The following COL11A1 variants were observed in gnomAD, a reference collection of about 807,000 sequenced individuals.
The protein encoded by COL11A1 is collagen alpha-1(XI) chain.
In COL11A1, 74 loss-of-function variants were observed where a neutral mutation model predicts 265.2. The observed-to-expected ratio is 0.28, with a 90% CI of 0.23 to 0.34. COL11A1 has a LOEUF of 0.34. Ranked by LOEUF, COL11A1 falls within the 10% of genes least tolerant of loss-of-function variation. COL11A1 has a pLI of 1.00. For missense variants in COL11A1, 2,165 were observed against 2,263.6 expected (o/e 0.96, Z 0.88); for synonymous variants, 816 against 727.6 (o/e 1.12, Z -1.96).
chr1:102,878,526 T>G (rs1434815030), intron 66 of COL11A1, among the ~76,000 whole-genome samples: 2 of 138,754 alleles, frequency 1.4e-5, no homozygotes, highest in East Asian at 2.0e-4. Flanking sequence ...CTTTCTTTTT[T>G]TTTTTTTGAG....
chr1:103,026,365 G>T, intron 5 of COL11A1, 33 bp from the exon 6 acceptor site: 2 of 1,363,764 alleles, frequency 1.5e-6, no homozygotes, highest in Non-Finnish European at 2.1e-6. Flanking sequence ...TCAGGCAATT[G>T]TGTTAGTGGC....
intron 57 of COL11A1, among the ~76,000 whole-genome samples, chr1:102,895,041 T>A (rs969303496): frequency 6.6e-6 from 1 of 152,202 alleles, no homozygotes; most frequent in African/African-American, 2.4e-5. Context: ...CATATACAAA[T>A]GTAAATATAT....
chr1:102,973,634 T>C (rs2101645999), intron 36 of COL11A1, among the ~76,000 whole-genome samples: 1 of 152,336 alleles, frequency 6.6e-6, no homozygotes, highest in East Asian at 1.9e-4. Context: ...GTCTTCATGT[T>C]ACATTTGGAG....
intron 1 of COL11A1, 112 bp downstream of exon 1, chr1:103,107,961 C>CTTT (rs573192714): frequency 5.4e-4 from 383 of 708,538 alleles, no homozygotes; most frequent in African/African-American, 2.7e-3. Context: ...AAGGGAATTG[C>CTTT]TTTTTTTTTT....
intron 1 of COL11A1, among the ~76,000 whole-genome samples, chr1:103,096,202 T>C (rs1202169962): frequency 6.6e-6 from 1 of 151,986 alleles, no homozygotes; most frequent in African/African-American, 2.4e-5. Context: ...GAAGAAACTC[T>C]AGGCTCACTC....
chr1:102,931,781 T>C (rs1291853418), intron 46 of COL11A1, among the ~76,000 whole-genome samples: 27 of 151,938 alleles, frequency 1.8e-4, no homozygotes, highest in Admixed American at 1.4e-3. Context: ...TGCTCCTGTA[T>C]TGGGTGCATA....
At position 103,076,420 on chromosome 1, in the gene COL11A1, A is replaced by T. The variant is rs1242659962; in HGVS notation, c.489-1640T>A. Among the ~76,000 whole-genome samples, 3 of 152,138 alleles carry T rather than the reference A, an allele frequency of 2.0e-5. No individual in the cohort carries two copies. In the South Asian group the frequency reaches 6.2e-4, roughly 31 times the overall value. On this transcript the variant is annotated intron_variant, in intron 3 of 66. Coordinates refer to ENST00000370096, the MANE Select transcript of COL11A1 (RefSeq NM_001854.4). ...TAAAACTATCAAATACAATACTCACAGTAAAAGCTGAAGCCATTATTCTGC... is the reference window on the plus strand; with the variant it reads ...TAAAACTATCAAATACAATACTCACTGTAAAAGCTGAAGCCATTATTCTGC...
rs201458760 is a variant in COL11A1 at position 103,092,969 on chromosome 1, AAAAC to A, written c.107-10001_107-9998del. Among the ~76,000 whole-genome samples the A allele has an allele frequency of 5.7e-3, 866 of 152,146 alleles. 8 individuals carry two copies. Among genetic ancestry groups the A allele is most frequent in the African/African-American group, 0.02 (816 of 41,526 alleles). On this transcript the variant is annotated intron_variant, in intron 1 of 66. Coordinates refer to ENST00000370096, the MANE Select transcript of COL11A1 (RefSeq NM_001854.4). ...GTCCAGCATAAGGATCATTGTTCCA[AAAAC>A]AAACAAACAAAAAAAAACAGAAAAA...
rs7523377 is a variant in COL11A1, at chr1:102,933,446, T to C, written c.3600+1003A>G. ...GACCCACTTGAGGAGGCAGTCTGCC[T>C]GTTCTCAGATCTCCAGCTGCGTGCT... On this transcript the variant is annotated intron_variant, in intron 46 of 66. Coordinates refer to ENST00000370096, the MANE Select transcript of COL11A1 (RefSeq NM_001854.4). Among the ~76,000 whole-genome samples the C allele has an allele frequency of 6.3e-3, 952 of 151,316 alleles. 5 individuals carry two copies. The highest frequency in any genetic ancestry group is 0.016 in the South Asian group (74 of 4,724).
At chr1:103,051,219 G>T (rs1458397043) in intron 4 of COL11A1, among the ~76,000 whole-genome samples, 2 of 152,220 alleles carry the variant, frequency 1.3e-5, no homozygotes, top group Non-Finnish European at 2.9e-5. Context: ...ACAGAGGCAG[G>T]CAGGCCTCCT....
chr1:102,989,887 A>G (rs1214768571), intron 28 of COL11A1, among the ~76,000 whole-genome samples: 4 of 152,152 alleles, frequency 2.6e-5, no homozygotes, highest in Non-Finnish European at 5.9e-5. Flanking sequence ...GGTTAAACAA[A>G]TAAAAAGTAA....
chr1:102,984,814 T>G (rs1329165680), intron 30 of COL11A1, among the ~76,000 whole-genome samples: 2 of 151,984 alleles, frequency 1.3e-5, no homozygotes, highest in Non-Finnish European at 2.9e-5. Flanking sequence ...ATAATGATGG[T>G]TTTTGTGGAG....
chr1:103,013,027 T>C (rs1471430880), intron 13 of COL11A1, among the ~76,000 whole-genome samples: 1 of 152,090 alleles, frequency 6.6e-6, no homozygotes, highest in Non-Finnish European at 1.5e-5. Flanking sequence ...ACATGCACTA[T>C]TGTTACACTG....
At chr1:103,059,731 C>T (rs1558009844) in intron 4 of COL11A1, among the ~76,000 whole-genome samples, 2 of 151,984 alleles carry the variant, frequency 1.3e-5, no homozygotes, top group African/African-American at 2.4e-5. Flanking sequence ...TGAAATGAAG[C>T]ATACATTTGA....
At chr1:103,065,136 G>T (rs1334470453) in intron 4 of COL11A1, among the ~76,000 whole-genome samples, 3 of 151,940 alleles carry the variant, frequency 2.0e-5, no homozygotes, top group East Asian at 3.9e-4. Flanking sequence ...TTATATGTTG[G>T]GGTGGGGCAA....
At chr1:102,943,393 A>G (rs1465372792) in intron 42 of COL11A1, among the ~76,000 whole-genome samples, 1 of 151,570 alleles carries the variant, frequency 6.6e-6, no homozygotes, top group African/African-American at 2.4e-5. Flanking sequence ...ACAAAAGGGA[A>G]CTTGTTTATG....
chr1:102,940,377 G>T lies in COL11A1; in HGVS notation c.3334C>A (p.Leu1112Ile). 6.2e-7 allele frequency: 1 copy of T among 1,614,006 alleles called. No individual in the cohort carries two copies. ...GRDGVQGPVG[L>I]PGPAGPAGSP... ...CCGGCAGGACCAGCTGGCCCTGGGA[G>T]ACCAACAGGACCTTGAACTCCATCT... Residue 1112 changes from leucine (L) to isoleucine (I), a missense_variant, in exon 43 of 67, where the codon CTC becomes ATC. Transcript: ENST00000370096.
At chr1:102,937,224 G>A (rs746625070) in intron 44 of COL11A1, among the ~76,000 whole-genome samples, 26 of 152,150 alleles carry the variant, frequency 1.7e-4, no homozygotes, top group African/African-American at 3.9e-4. Context: ...AAACCTTTCC[G>A]AGTATGCAAG....
At chr1:103,033,103 T>A (rs1011221535) in intron 4 of COL11A1, among the ~76,000 whole-genome samples, 4 of 152,134 alleles carry the variant, frequency 2.6e-5, no homozygotes, top group African/African-American at 9.7e-5. Flanking sequence ...ATGTGGCCTT[T>A]TTCAATTGGC....
Sources: gnomAD v4.1 joint callset for allele counts (sites outside exome capture counted in the v4.1 genomes callset) on GRCh38, gnomAD v4.1.1 for gene constraint, MANE v1.5 for transcripts, NCBI Gene and HGNC (gene_info 2026-07-23, HGNC 2026-07-21) for gene names.